The following CRAMP1 variants were observed in gnomAD, a reference collection of about 807,000 sequenced individuals.
CRAMP1 encodes cramped chromatin regulator 1.
Under a neutral mutation model 115.4 loss-of-function variants are expected in CRAMP1, and 50 were observed. The observed-to-expected ratio is 0.43, with a 90% CI of 0.35 to 0.55. CRAMP1 has a LOEUF of 0.55. CRAMP1 is among the 20% of genes least tolerant of loss of function. The pLI, the probability that CRAMP1 is intolerant of heterozygous loss-of-function variation, is 0.01. For missense variants in CRAMP1, 1,679 were observed against 1,721.7 expected, an observed-to-expected ratio of 0.98 and a Z score of 0.44; for synonymous variants, 866 against 745.4, an observed-to-expected ratio of 1.16 and a Z score of -2.64.
intron 3 of CRAMP1, among the ~76,000 whole-genome samples, chr16:1,630,848 A>G (rs2142177059): frequency 6.6e-6 from 1 of 152,262 alleles, no homozygotes; most frequent in East Asian, 1.9e-4. Flanking sequence ...TATGTTACGC[A>G]TTTCTGTCAA....
intron 13 of CRAMP1, 117 bp downstream of exon 13, chr16:1,662,952 C>G: frequency 1.3e-6 from 1 of 741,470 alleles, no homozygotes; most frequent in Non-Finnish European, 2.2e-6. Context: ...CTGCCCCTTC[C>G]TTCCCTCTTG....
At chr16:1,620,332 C>T (rs779439479) in intron 2 of CRAMP1, among the ~76,000 whole-genome samples, 7 of 152,192 alleles carry the variant, frequency 4.6e-5, no homozygotes, top group Non-Finnish European at 2.9e-5. Flanking sequence ...GGACGTTTCC[C>T]GGTGCTGGGG....
rs2036843336 is a variant in CRAMP1 at position 1,662,688 on chromosome 16, G to A, written c.2595+17G>A. 3 of 1,613,832 alleles carry A rather than the reference G, an allele frequency of 1.9e-6. No individual in the cohort carries two copies. The highest frequency in any genetic ancestry group is 1.7e-5 in the Admixed American group (1 of 60,036). ...TCCATCAGTGTGAGTGTGTGGGGCC[G>A]GGCCGCCCGCGTGCGAGCGTCCCCG... On this transcript the variant is annotated intron_variant, in intron 12 of 20. Coordinates refer to ENST00000397412, the MANE Select transcript of CRAMP1 (RefSeq NM_020825.4).
intron 14 of CRAMP1, chr16:1,665,820 A>T (rs139420816): frequency 4.1e-4 from 205 of 501,946 alleles, no homozygotes; most frequent in Middle Eastern, 3.7e-3. Context: ...TTTCCGCAGG[A>T]TGACAGTGGT....
Position 1,637,882 on chromosome 16 carries a change from C to A in CRAMP1, c.753C>A (p.Gly251=). 1 of 1,560,270 alleles carries A rather than the reference C, an allele frequency of 6.4e-7. No individual in the cohort carries two copies. Among genetic ancestry groups the A allele is most frequent in the Non-Finnish European group, 8.7e-7 (1 of 1,154,440 alleles). ...AACTGTATGGCCTGATCTGCTATGG[C>A]GAGCTGCGCAAGAAGATTGGGGGCT... ...SQELYGLICY[G]ELRKKIGGCM... Residue 251 remains glycine (G), a synonymous_variant, in exon 5 of 21, where the codon GGC becomes GGA. Coordinates refer to ENST00000397412, the MANE Select transcript of CRAMP1 (RefSeq NM_020825.4).
intron 13 of CRAMP1, among the ~76,000 whole-genome samples, chr16:1,663,763 C>T (rs79513697): frequency 0.026 from 3,898 of 152,204 alleles, 174 homozygotes; most frequent in African/African-American, 0.088. Flanking sequence ...ACCACGGATC[C>T]GCTTTCTGTC....
At chr16:1,635,530 A>G (rs2036581831) in intron 4 of CRAMP1, among the ~76,000 whole-genome samples, 1 of 151,744 alleles carries the variant, frequency 6.6e-6, no homozygotes, top group Admixed American at 6.6e-5. Context: ...CATCAGGGAC[A>G]CCTCCCGGAA....
At chr16:1,667,445 ACTC>A (rs1205006966) in intron 17 of CRAMP1, 45 bp downstream of exon 17, 3 of 1,518,186 alleles carry the variant, frequency 2.0e-6, no homozygotes, top group Non-Finnish European at 1.8e-6. Flanking sequence ...CTGCCCCAGG[ACTC>A]CCTCCAGTGC....
At chr16:1,613,687 A>G (rs1472796818) in intron 1 of CRAMP1, among the ~76,000 whole-genome samples, 1 of 152,126 alleles carries the variant, frequency 6.6e-6, no homozygotes, top group East Asian at 1.9e-4. Flanking sequence ...GGTGGGTAGC[A>G]AAGTTGATGC....
At chr16:1,670,499 G>A (rs577076246) in intron 19 of CRAMP1, 165 bp from the exon 20 acceptor site, 12 of 697,144 alleles carry the variant, frequency 1.7e-5, no homozygotes, top group African/African-American at 1.2e-4. Context: ...AGAAGAGCTC[G>A]TCACGGCGTG....
intron 6 of CRAMP1, chr16:1,647,016 C>T (rs1287328546): frequency 7.1e-6 from 5 of 702,688 alleles, no homozygotes; most frequent in Middle Eastern, 2.3e-4. Context: ...CTTTGACCAG[C>T]AGACATTCGT....
intron 8 of CRAMP1, among the ~76,000 whole-genome samples, chr16:1,653,958 G>A (rs1223164934): frequency 6.6e-6 from 1 of 151,670 alleles, no homozygotes; most frequent in Non-Finnish European, 1.5e-5. Context: ...TGGCCAAGAT[G>A]GTGAAACCCT....
chr16:1,628,943 C>T (rs562158687), intron 3 of CRAMP1, among the ~76,000 whole-genome samples: 20 of 152,314 alleles, frequency 1.3e-4, no homozygotes, highest in South Asian at 1.0e-3. Context: ...CTCAGATTCG[C>T]GCCCGTCCAG....
At chr16:1,649,892 C>T (rs1010428220) in intron 6 of CRAMP1, among the ~76,000 whole-genome samples, 1 of 147,252 alleles carries the variant, frequency 6.8e-6, no homozygotes, top group Non-Finnish European at 1.5e-5. Flanking sequence ...CTCCTGGGTT[C>T]GAGTGATTCT....
chr16:1,625,812 C>G, intron 2 of CRAMP1, 161 bp from the exon 3 acceptor site: 2 of 619,950 alleles, frequency 3.2e-6, no homozygotes, highest in Non-Finnish European at 5.5e-6. Flanking sequence ...TAAGCAGCCT[C>G]GCTGGTGCCG....
At chr16:1,670,629 G>A (rs2142210073) in intron 19 of CRAMP1, 35 bp from the exon 20 acceptor site, 1 of 1,611,766 alleles carries the variant, frequency 6.2e-7, no homozygotes, top group East Asian at 2.2e-5. Context: ...ACCAAGCAGG[G>A]TTCAGGGTGT....
rs368602730 is a variant in CRAMP1 at position 1,667,390 on chromosome 16, A to T, written c.3092A>T (p.Asp1031Val). 2 of 1,612,738 alleles carry T rather than the reference A, an allele frequency of 1.2e-6. No individual in the cohort carries two copies. The highest frequency in any genetic ancestry group is 1.7e-6 in the Non-Finnish European group (2 of 1,179,682). The stretch of plus-strand genomic sequence containing the variant: ...AGGCCTGAGCAGGAGCCAGTGGCAG[A>T]CAGTTTCCAGGTAGAGTGTGCTCTT... ...PSRPEQEPVA[D>V]SFQGSSVLSL... The change falls in exon 17 of 21, where the codon GAC (aspartate) becomes GTC (valine). Residue 1031 changes from aspartate to valine, a missense_variant. Around this residue, in one of 8 missense-constraint regions of CRAMP1, gnomAD observed 709 missense variants for 741.9 expected, o/e 0.96. Transcript: ENST00000397412.
chr16:1,660,563 G>T (rs904289762), intron 11 of CRAMP1, among the ~76,000 whole-genome samples: 4 of 152,166 alleles, frequency 2.6e-5, no homozygotes, highest in Non-Finnish European at 5.9e-5. Flanking sequence ...TAAATTCAGG[G>T]ATCATAAATT....
chr16:1,663,632 G>A (rs2036850797), intron 13 of CRAMP1, among the ~76,000 whole-genome samples: 1 of 152,032 alleles, frequency 6.6e-6, no homozygotes, highest in Admixed American at 6.5e-5. Context: ...TGAACTTTAT[G>A]ACTCAGTGGT....
Sources: gnomAD v4.1 joint callset for allele counts (sites outside exome capture counted in the v4.1 genomes callset) on GRCh38, gnomAD v4.1.1 for gene constraint, gnomAD v4.1.1 regional missense constraint, MANE v1.5 for transcripts, NCBI Gene and HGNC (gene_info 2026-07-23, HGNC 2026-07-21) for gene names.